SS18: variants seen among roughly 807,000 people sequenced by gnomAD.
SS18 encodes the protein SS18 subunit of BAF chromatin remodeling complex.
Under a neutral mutation model 72.5 loss-of-function variants are expected in SS18, and 28 were observed. The ratio of observed to expected loss-of-function variants is 0.39; its 90% CI spans 0.29 to 0.53. The LOEUF (loss-of-function observed/expected upper bound fraction) is 0.53, where lower values mean the gene tolerates loss of function less well. Among genes scored for constraint, SS18 ranks in the 20% least tolerant of loss-of-function variants. SS18 has a pLI of 0.76. For synonymous variants in SS18, 172 were observed against 164.2 expected (o/e 1.05, Z -0.37); for missense variants, 518 against 535.3 (o/e 0.97, Z 0.32).
intron 3 of SS18, among the ~76,000 whole-genome samples, chr18:26,062,607 G>A (rs1360214586): frequency 6.6e-6 from 1 of 152,088 alleles, no homozygotes; most frequent in Admixed American, 6.6e-5. Context: ...AAATACATTA[G>A]ATTGGATTTC....
chr18:26,080,429 A>G (rs2054497472), intron 2 of SS18: 1 of 981,758 alleles, frequency 1.0e-6, no homozygotes, highest in Non-Finnish European at 1.2e-6. Context: ...TGACCCTTTA[A>G]GAAAAAATTT....
intron 5 of SS18, among the ~76,000 whole-genome samples, chr18:26,051,820 T>A (rs1160379806): frequency 6.6e-6 from 1 of 152,238 alleles, no homozygotes; most frequent in Non-Finnish European, 1.5e-5. Flanking sequence ...TGTATTATTT[T>A]AAAATTATAT....
chr18:26,035,224 T>A lies in SS18; in HGVS notation c.974-97A>T. The A allele has an allele frequency of 7.6e-7, 1 of 1,313,162 alleles. No homozygotes were observed. The highest frequency in any genetic ancestry group is 1.5e-5 in the South Asian group (1 of 65,418). 81.3% of individuals were successfully genotyped at this position (1,313,162 alleles called of 1,614,324 possible). A position where few individuals can be genotyped will look rare whatever the true frequency, so the allele number is the denominator to read the frequency against. ...CATAGCCAACAACACAAGAACAAAA[T>A]GAAATGCCATATTGATTTTTAGAAG... On this transcript the variant is annotated intron_variant, in intron 8 of 10. Transcript: ENST00000415083. This position sits in a 1 kb window ranked among gnomAD's most constrained non-coding sequence, Gnocchi z 4.4.
At chr18:26,052,970 A>AC in intron 4 of SS18, 125 bp from the exon 5 acceptor site, 1 of 718,258 alleles carries the variant, frequency 1.4e-6, no homozygotes, top group South Asian at 1.9e-5. Context: ...ATCGATAGCA[A>AC]AGTAAATGGT....
chr18:26,060,761 C>T (rs1272736907), intron 3 of SS18, among the ~76,000 whole-genome samples: 2 of 23,890 alleles, frequency 8.4e-5, no homozygotes, highest in Non-Finnish European at 1.7e-4. Context: ...TCTGTCTCTA[C>T]TAAAAATACC....
chr18:26,063,335 A>C (rs1158539216), intron 3 of SS18, among the ~76,000 whole-genome samples: 2 of 152,114 alleles, frequency 1.3e-5, no homozygotes, highest in East Asian at 1.9e-4. Flanking sequence ...CTGGCTAACA[A>C]GGTGAAACCC....
At position 26,052,860 on chromosome 18, in the gene SS18, G is replaced by A; in HGVS notation, c.386-15C>T. The A allele has an allele frequency of 6.2e-7, 1 of 1,603,960 alleles. No homozygotes were observed. Among genetic ancestry groups the A allele is most frequent in the South Asian group, 1.1e-5 (1 of 90,506 alleles). On this transcript the variant is annotated splice_polypyrimidine_tract_variant and intron_variant, in intron 4 of 10. Transcript: ENST00000415083. ...ATGGTTAGGCCCTTTGAAGAAAAAT[G>A]ATCAGAAGCAAAATATGAAAGTTAA...
intron 1 of SS18, 55 bp downstream of exon 1, chr18:26,090,444 GTC>G (rs2054702942): frequency 6.6e-7 from 1 of 1,514,324 alleles, no homozygotes; most frequent in Admixed American, 2.0e-5. Flanking sequence ...TTCCCCCCGC[GTC>G]TGTCTCTCCC....
chr18:26,081,062 C>T (rs1213065070), intron 2 of SS18, among the ~76,000 whole-genome samples: 1 of 134,466 alleles, frequency 7.4e-6, no homozygotes, highest in African/African-American at 2.9e-5. Flanking sequence ...GCAGTCCGGC[C>T]TGGGCGACAG....
chr18:26,057,120 T>G (rs940515370), intron 4 of SS18, among the ~76,000 whole-genome samples: 1 of 152,202 alleles, frequency 6.6e-6, no homozygotes, highest in African/African-American at 2.4e-5. Context: ...AGCTTCAATA[T>G]CAATAAGGAA....
intron 3 of SS18, among the ~76,000 whole-genome samples, chr18:26,069,745 A>C (rs2054281633): frequency 6.6e-6 from 1 of 152,198 alleles, no homozygotes; most frequent in Admixed American, 6.5e-5. Flanking sequence ...AGAAAGAACT[A>C]TTTTCTCCCC....
chr18:26,042,763 G>A (rs2053752833), intron 5 of SS18, among the ~76,000 whole-genome samples: 1 of 151,962 alleles, frequency 6.6e-6, no homozygotes, highest in Admixed American at 6.6e-5. Flanking sequence ...CACTGTCACT[G>A]TCTATAGTGA....
At chr18:26,072,147 T>C (rs993905435) in intron 3 of SS18, among the ~76,000 whole-genome samples, 8 of 151,968 alleles carry the variant, frequency 5.3e-5, no homozygotes, top group African/African-American at 1.9e-4. Flanking sequence ...GAAAAGGTCA[T>C]TGAGGGAAGG....
intron 3 of SS18, among the ~76,000 whole-genome samples, chr18:26,076,467 T>C (rs1178760749): frequency 2.0e-5 from 3 of 151,842 alleles, no homozygotes; most frequent in African/African-American, 4.8e-5. Context: ...TGGAAACAAA[T>C]GAAACTGAAC....
At chr18:26,025,290 G>A (rs986008359) in intron 10 of SS18, among the ~76,000 whole-genome samples, 1 of 151,886 alleles carries the variant, frequency 6.6e-6, no homozygotes, top group African/African-American at 2.4e-5. Flanking sequence ...TAAATCAATG[G>A]GACTACAACT....
At chr18:26,075,128 C>T (rs1319052162) in intron 3 of SS18, among the ~76,000 whole-genome samples, 3 of 151,946 alleles carry the variant, frequency 2.0e-5, no homozygotes, top group Non-Finnish European at 3.0e-5. Flanking sequence ...GATGGCTTTT[C>T]TAAAGAATTG....
rs149281254 is a variant in SS18, at chr18:26,038,568, T to C, written c.867A>G (p.Gln289=). ...GQGPPEGMNQ[Q]YYPDGHNDYG... ...AGGAGAGATTACCATCAGGGTAATA[T>C]TGCTGGTTCATGCCTTCTGGAGGAC... is the stretch of plus-strand genomic sequence containing the variant. The change falls in exon 7 of 11, where the codon CAA becomes CAG. Residue 289 remains glutamine (Q), a synonymous_variant. Coordinates refer to ENST00000415083, the MANE Select transcript of SS18 (RefSeq NM_001007559.3). 1.4e-4 allele frequency: 228 copies of C among 1,612,746 alleles called. No individual in the cohort carries two copies. In the African/African-American group the frequency reaches 2.5e-3, roughly 18 times the overall value.
chr18:26,028,613 A>G (rs1020194160), intron 10 of SS18, among the ~76,000 whole-genome samples: 40 of 152,366 alleles, frequency 2.6e-4, no homozygotes, highest in African/African-American at 7.9e-4. Context: ...CACAAACAAC[A>G]TAAGTATCAA....
chr18:26,028,816 C>G (rs960752566), intron 10 of SS18, among the ~76,000 whole-genome samples: 2 of 152,150 alleles, frequency 1.3e-5, no homozygotes, highest in Non-Finnish European at 2.9e-5. Context: ...ATAGATACCC[C>G]ATTACTTCGA....
Sources: allele counts gnomAD v4.1 joint callset (sites outside exome capture counted in the v4.1 genomes callset), GRCh38; gene constraint gnomAD v4.1.1; non-coding constraint Gnocchi (gnomAD v3.1); transcripts MANE v1.5; gene names NCBI Gene and HGNC (gene_info 2026-07-23, HGNC 2026-07-21).